The following FZR1 variants were observed in gnomAD, a reference collection of about 807,000 sequenced individuals.
FZR1 encodes fizzy and cell division cycle 20 related 1, also known as fizzy-related protein homolog.
Under a neutral mutation model 63.6 loss-of-function variants are expected in FZR1, and 11 were observed. That is an observed-to-expected ratio of 0.17 (90% CI 0.11 to 0.29). The LOEUF (loss-of-function observed/expected upper bound fraction) is 0.29, where lower values mean the gene tolerates loss of function less well. Ranked by LOEUF, FZR1 falls within the 10% of genes least tolerant of loss-of-function variation. FZR1 has a pLI of 1.00. For synonymous variants in FZR1, 328 were observed against 297.9 expected, an observed-to-expected ratio of 1.10 and a Z score of -1.04; for missense variants, 440 against 687.5, an observed-to-expected ratio of 0.64 and a Z score of 4.03.
At position 3,535,117 on chromosome 19, in the gene FZR1, C is replaced by A; in HGVS notation, c.*281C>A. On this transcript the variant is annotated 3_prime_UTR_variant, in exon 14 of 14. Transcript: ENST00000441788. Reference sequence around the variant, plus strand: ...CACATTGGACGGTCCCGGCTCAGACCGTCTGTACTCAGAGCGACGGATGCC... The same window carrying A: ...CACATTGGACGGTCCCGGCTCAGACAGTCTGTACTCAGAGCGACGGATGCC... The A allele has an allele frequency of 2.0e-6, 1 of 509,340 alleles. No individual in the cohort carries two copies. Among genetic ancestry groups the A allele is most frequent in the Non-Finnish European group, 3.6e-6 (1 of 280,780 alleles). 31.6% of individuals were successfully genotyped at this position (509,340 alleles called of 1,614,324 possible).
chr19:3,529,817 TGG>T (rs2083217811), intron 7 of FZR1, among the ~76,000 whole-genome samples: 4 of 66,242 alleles, frequency 6.0e-5, no homozygotes, highest in Admixed American at 1.8e-4. Flanking sequence ...GATGGTTGAG[TGG>T]ATGGGTGAGC....
intron 10 of FZR1, 109 bp downstream of exon 10, chr19:3,532,204 C>T (rs2083255133): frequency 9.2e-7 from 1 of 1,084,550 alleles, no homozygotes; most frequent in Non-Finnish European, 1.3e-6. Flanking sequence ...GGGCCCACTC[C>T]ACAGCCATCA....
chr19:3,532,099 C>A lies in FZR1; in HGVS notation c.1008+4C>A, dbSNP rs45540037. ...CTCGGGGGGCAACGACAACAAGGTA[C>A]CCCCGCCCAGAGCCTGGGCTTCCCC... On this transcript the variant is annotated splice_donor_region_variant and intron_variant, in intron 10 of 13. Transcript: ENST00000441788. The A allele has an allele frequency of 3.5e-4, 522 of 1,498,136 alleles. 1 individual carries two copies. Among genetic ancestry groups the A allele is most frequent in the Non-Finnish European group, 4.6e-4 (514 of 1,124,354 alleles). The allele number at this position is 1,498,136 out of a possible 1,614,324, so 92.8% of individuals were successfully genotyped here. A position where few individuals can be genotyped will look rare whatever the true frequency, so the allele number is the denominator to read the frequency against.
Position 3,527,015 on chromosome 19 carries a change from C to T in FZR1, c.423C>T (p.Asp141=), listed in dbSNP as rs544217939. 159 of 1,612,582 alleles carry T rather than the reference C, an allele frequency of 9.9e-5. No individual in the cohort carries two copies. The highest frequency in any genetic ancestry group is 3.3e-4 in the Middle Eastern group (2 of 6,058). ...GCACCAAGCGCTCCAGCCCCGATGA[C>T]GGCAACGATGTGTCTCCCTACTCCC... ...SLSTKRSSPD[D]GNDVSPYSLS... Residue 141 remains aspartate (D), a synonymous_variant, in exon 6 of 14, where the codon GAC becomes GAT. Transcript: ENST00000441788.
intron 2 of FZR1, among the ~76,000 whole-genome samples, chr19:3,523,687 G>GCC (rs1341124904): frequency 2.6e-5 from 4 of 152,254 alleles, no homozygotes; most frequent in African/African-American, 9.6e-5. Context: ...AGACGCCCAA[G>GCC]CCATCATTCT....
intron 1 of FZR1, among the ~76,000 whole-genome samples, chr19:3,521,807 C>T (rs2083104483): frequency 1.3e-5 from 2 of 152,054 alleles, no homozygotes; most frequent in African/African-American, 2.4e-5. Context: ...GCCAGAACTG[C>T]ACACTTAAAC....
rs1342425757 is a variant in FZR1, at chr19:3,526,286, A to G, written c.287A>G (p.Lys96Arg). The change falls in exon 5 of 14, where the codon AAG (lysine) becomes AGG (arginine). Residue 96 changes from lysine (K) to arginine (R), a missense_variant. This residue lies in a region of FZR1 where 200 missense variants were observed against 245.1 expected (regional missense o/e 0.82). Coordinates refer to ENST00000441788, the MANE Select transcript of FZR1 (RefSeq NM_016263.4). The surrounding 1 kb of genome is among the most constrained non-coding windows in gnomAD (Gnocchi z 5.4). Reference protein sequence around the residue: ...KDGLAYSALLKNELLGAGIEK... With the variant: ...KDGLAYSALLRNELLGAGIEK... ...GGCCTGGCCTACTCTGCCCTGCTCAAGAATGAGCTGCTGGGTGCCGGCATC... is the reference window on the plus strand; with the variant it reads ...GGCCTGGCCTACTCTGCCCTGCTCAGGAATGAGCTGCTGGGTGCCGGCATC... 1.2e-6 allele frequency: 2 copies of G among 1,610,150 alleles called. No individual in the cohort carries two copies. The highest frequency in any genetic ancestry group is 1.7e-6 in the Non-Finnish European group (2 of 1,178,954).
At chr19:3,524,807 C>T (rs1478803830) in intron 2 of FZR1, among the ~76,000 whole-genome samples, 1 of 152,182 alleles carries the variant, frequency 6.6e-6, no homozygotes, top group Non-Finnish European at 1.5e-5. Context: ...TGTCCTGGAA[C>T]CATCTGCTTG....
intron 1 of FZR1, among the ~76,000 whole-genome samples, chr19:3,521,040 C>T (rs1407862422): frequency 6.6e-6 from 1 of 152,226 alleles, no homozygotes; most frequent in East Asian, 1.9e-4. Flanking sequence ...TGGGTAGAGC[C>T]TTGCTCCTTT....
rs1249478564 is a variant in FZR1, at chr19:3,537,033, T to G, written c.*2197T>G. 2 of 149,790 alleles carry G rather than the reference T, an allele frequency of 1.3e-5. No homozygotes were observed. The highest frequency in any genetic ancestry group is 4.9e-5 in the African/African-American group (2 of 40,870). The allele number at this position is 149,790 out of a possible 1,614,324, so 9.3% of individuals were successfully genotyped here. ...CCTGTTCCAGGGAGGAGGTGCTCGG[T>G]TGACACCATCAGGGAGGGAGGGTGG... On this transcript the variant is annotated 3_prime_UTR_variant, in exon 14 of 14. Coordinates refer to ENST00000441788, the MANE Select transcript of FZR1 (RefSeq NM_016263.4).
At chr19:3,511,517 ACATAGGGAGACCCTG>A (rs2083024529) in intron 1 of FZR1, among the ~76,000 whole-genome samples, 1 of 152,042 alleles carries the variant, frequency 6.6e-6, no homozygotes. Flanking sequence ...AGCCCGGGCA[ACATAGGGAGACCCTG>A]ACCCCCATCT....
chr19:3,522,750 C>CTG (rs2083114593), intron 1 of FZR1, among the ~76,000 whole-genome samples: 1 of 152,160 alleles, frequency 6.6e-6, no homozygotes, highest in Non-Finnish European at 1.5e-5. Context: ...GATATACAGG[C>CTG]TGGGAGGGTC....
chr19:3,529,854 G>A lies in FZR1; in HGVS notation c.655-938G>A, dbSNP rs1445343190. On this transcript the variant is annotated intron_variant, in intron 7 of 13. Transcript: ENST00000441788. The stretch of plus-strand genomic sequence containing the variant: ...CGGATGGGTGAGCGGGTGGGTGAGC[G>A]GGTGGGTGAGCGGGTGGGTGAGCGG... Among the ~76,000 whole-genome samples the A allele has an allele frequency of 4.5e-4, 54 of 120,518 alleles. 1 individual carries two copies. Among genetic ancestry groups the A allele is most frequent in the Non-Finnish European group, 8.1e-4 (45 of 55,528 alleles). 79.1% of individuals were successfully genotyped at this position (120,518 alleles called of 152,430 possible). A position where few individuals can be genotyped will look rare whatever the true frequency, so the allele number is the denominator to read the frequency against.
chr19:3,523,808 A>C (rs536033118), intron 2 of FZR1, among the ~76,000 whole-genome samples: 70 of 152,338 alleles, frequency 4.6e-4, no homozygotes, highest in Middle Eastern at 3.4e-3. Flanking sequence ...CAGCTCCCTC[A>C]GTGCCAGCAA....
intron 8 of FZR1, 128 bp downstream of exon 8, chr19:3,530,985 T>A (rs558552850): frequency 1.2e-4 from 77 of 648,388 alleles, no homozygotes; most frequent in Non-Finnish European, 1.9e-4. Context: ...TAGGTCTGTG[T>A]CCCCCACTGT....
Position 3,526,154 on chromosome 19 carries a change from C to T in FZR1, c.230C>T (p.Ala77Val). 2 of 1,612,956 alleles carry T rather than the reference C, an allele frequency of 1.2e-6. No individual in the cohort carries two copies. The highest frequency in any genetic ancestry group is 2.2e-5 in the East Asian group (1 of 44,870). The change falls in exon 4 of 14, where the codon GCC becomes GTC. Residue 77 changes from alanine (A) to valine (V), a missense_variant. Physicochemically the swap from Ala to Val is moderately conservative, Grantham distance 64 (BLOSUM62 0). This residue lies in a region of FZR1 where 200 missense variants were observed against 245.1 expected (regional missense o/e 0.82). Coordinates refer to ENST00000441788, the MANE Select transcript of FZR1 (RefSeq NM_016263.4). This position sits in a 1 kb window ranked among gnomAD's most constrained non-coding sequence, Gnocchi z 5.4. ...NEKSPSQNRK[A>V]KDATSDNGKD... ...AAGTCTCCCAGTCAGAACCGGAAAG[C>T]CAAGGACGCCACCTCAGACAACGGC...
intron 1 of FZR1, among the ~76,000 whole-genome samples, chr19:3,512,229 C>T (rs1009427702): frequency 4.6e-5 from 7 of 152,106 alleles, no homozygotes; most frequent in African/African-American, 1.2e-4. Flanking sequence ...TCATGAGTCC[C>T]GGGCCCAGCC....
chr19:3,517,050 G>T (rs968836694), intron 1 of FZR1, among the ~76,000 whole-genome samples: 48 of 152,238 alleles, frequency 3.2e-4, no homozygotes, highest in African/African-American at 1.1e-3. Flanking sequence ...AGTGCACGCG[G>T]TTACCACCGC....
rs1173093069 is a variant in FZR1 at position 3,529,053 on chromosome 19, TGCGGATGCTTGA to T, written c.654+1247_654+1258del. Among the ~76,000 whole-genome samples the T allele has an allele frequency of 1.0e-4, 11 of 109,636 alleles. No individual in the cohort carries two copies. In the East Asian group the frequency reaches 1.4e-3, roughly 14 times the overall value. 71.9% of individuals were successfully genotyped at this position (109,636 alleles called of 152,430 possible). ...AAGTGGATGGGTGAGAGGATGGGAG[TGCGGATGCTTGA>T]GCGGATGGGAGAGCGGATGGGAGAG... On this transcript the variant is annotated intron_variant, in intron 7 of 13. Transcript: ENST00000441788.
Sources: gnomAD v4.1 joint callset for allele counts (sites outside exome capture counted in the v4.1 genomes callset) on GRCh38, gnomAD v4.1.1 for gene constraint, gnomAD v4.1.1 regional missense constraint, Gnocchi (gnomAD v3.1) non-coding constraint, MANE v1.5 for transcripts, NCBI Gene and HGNC (gene_info 2026-07-23, HGNC 2026-07-21) for gene names.